CDH1: variants seen among roughly 807,000 people sequenced by gnomAD.
CDH1 encodes cadherin 1, also known as cadherin-1.
In CDH1, 35 loss-of-function variants were observed where a neutral mutation model predicts 84.5. That is an observed-to-expected ratio of 0.41 (90% CI 0.32 to 0.55). CDH1 has a LOEUF of 0.55. Ranked by LOEUF, CDH1 falls within the 20% of genes least tolerant of loss-of-function variation. The pLI is 0.19. For synonymous variants in CDH1, 417 were observed against 439.0 expected, an observed-to-expected ratio of 0.95 and a Z score of 0.63; for missense variants, 994 against 1,126.6, an observed-to-expected ratio of 0.88 and a Z score of 1.68.
chr16:68,828,001 G>A lies in CDH1; in HGVS notation c.2165-173G>A, dbSNP rs9925161. On this transcript the variant is annotated intron_variant, in intron 13 of 15. Transcript: ENST00000261769. ...TCTACTATGTTGTACTGTACATACC[G>A]ACTTCAGGGATGTGAGTGTCACGTG... 0.056 allele frequency among the ~76,000 whole-genome samples: 8,540 copies of A among 152,252 alleles called. 306 individuals are homozygous for A. Among genetic ancestry groups the A allele is most frequent in the African/African-American group, 0.094 (3,920 of 41,528 alleles).
At chr16:68,763,270 A>T (rs1959279067) in intron 2 of CDH1, 1 of 152,190 alleles carries the variant, frequency 6.6e-6, no homozygotes, top group Non-Finnish European at 1.5e-5. Context: ...TTCACATTAT[A>T]GTTGGAGACA....
At chr16:68,776,584 G>A (rs1292610696) in intron 2 of CDH1, among the ~76,000 whole-genome samples, 3 of 152,150 alleles carry the variant, frequency 2.0e-5, no homozygotes, top group African/African-American at 7.2e-5. Context: ...GCCCAGGCTA[G>A]TCTCGAGTTC....
intron 13 of CDH1, among the ~76,000 whole-genome samples, chr16:68,825,638 G>A (rs1026267784): frequency 3.9e-5 from 6 of 152,004 alleles, no homozygotes; most frequent in African/African-American, 1.2e-4. Context: ...ATCCTGCCAG[G>A]CTTTACATGG....
chr16:68,746,822 G>T (rs144506739), intron 2 of CDH1, among the ~76,000 whole-genome samples: 1 of 152,052 alleles, frequency 6.6e-6, no homozygotes, highest in African/African-American at 2.4e-5. Context: ...GGTGGTGCAT[G>T]CCTGTAATCC....
intron 2 of CDH1, among the ~76,000 whole-genome samples, chr16:68,796,939 ACCAGCCTGGG>A (rs1960378394): frequency 3.3e-5 from 5 of 152,234 alleles, no homozygotes; most frequent in African/African-American, 1.2e-4. Flanking sequence ...GGAGTTCAAG[ACCAGCCTGGG>A]CAACGTGGCA....
chr16:68,745,557 T>TATATATGTATATAC (rs1962708099), intron 2 of CDH1, among the ~76,000 whole-genome samples: 3 of 27,330 alleles, frequency 1.1e-4, no homozygotes, highest in Non-Finnish European at 3.2e-4. Context: ...AAAATATATA[T>TATATATGTATATAC]ATATATGTAT....
At chr16:68,803,247 C>T (rs1043151799) in intron 3 of CDH1, among the ~76,000 whole-genome samples, 4 of 152,100 alleles carry the variant, frequency 2.6e-5, no homozygotes, top group South Asian at 2.1e-4. Flanking sequence ...TGTAATTAGA[C>T]CAGAAAAATG....
intron 3 of CDH1, among the ~76,000 whole-genome samples, chr16:68,804,738 A>G (rs1027263548): frequency 2.0e-5 from 3 of 151,930 alleles, no homozygotes; most frequent in Admixed American, 2.0e-4. Context: ...GTGGTACTGT[A>G]ATTAGATGGC....
intron 2 of CDH1, among the ~76,000 whole-genome samples, chr16:68,778,709 G>A (rs539417254): frequency 1.3e-5 from 2 of 152,274 alleles, no homozygotes; most frequent in East Asian, 3.9e-4. Flanking sequence ...GCTTAAAAGG[G>A]TGTTTAAAAG....
intron 2 of CDH1, among the ~76,000 whole-genome samples, chr16:68,770,716 A>G (rs1002077114): frequency 6.6e-6 from 1 of 151,096 alleles, no homozygotes; most frequent in Non-Finnish European, 1.5e-5. Context: ...AGCAGTAGGA[A>G]GAGAATTCCA....
chr16:68,812,001 G>T, intron 7 of CDH1, 134 bp from the exon 8 acceptor site: 1 of 1,479,426 alleles, frequency 6.8e-7, no homozygotes, highest in South Asian at 1.1e-5. Context: ...GTGCCCAGAG[G>T]TTCCGTGCCT....
intron 2 of CDH1, among the ~76,000 whole-genome samples, chr16:68,785,255 G>A (rs1205288741): frequency 6.6e-6 from 1 of 151,998 alleles, no homozygotes. Flanking sequence ...ACAGTGGCGC[G>A]ATCTCGGCTC....
rs756957847 is a variant in CDH1, at chr16:68,801,654, G to A, written c.164-16G>A. ...ATCTGTCCAATTTCCTAATCTCTGTGATTTCTGCCCTGCAGTGAATTTTGA... is the reference window on the plus strand; with the variant it reads ...ATCTGTCCAATTTCCTAATCTCTGTAATTTCTGCCCTGCAGTGAATTTTGA... On this transcript the variant is annotated splice_polypyrimidine_tract_variant and intron_variant, in intron 2 of 15. Transcript: ENST00000261769. The A allele has an allele frequency of 4.4e-6, 7 of 1,602,222 alleles. No homozygotes were observed. Among genetic ancestry groups the A allele is most frequent in the Non-Finnish European group, 4.3e-6 (5 of 1,169,300 alleles).
At chr16:68,801,921 G>A (rs780256806) in intron 3 of CDH1, 28 bp downstream of exon 3, 14 of 1,579,566 alleles carry the variant, frequency 8.9e-6, no homozygotes, top group South Asian at 5.5e-5. Context: ...TGAGAAGTTC[G>A]CTGTTGTTTT....
intron 2 of CDH1, among the ~76,000 whole-genome samples, chr16:68,781,050 C>T (rs1959864043): frequency 6.6e-6 from 1 of 152,190 alleles, no homozygotes; most frequent in South Asian, 2.1e-4. Flanking sequence ...TGAATTGAGT[C>T]TGTGGGGAAA....
chr16:68,738,501 TG>T, intron 2 of CDH1, 90 bp downstream of exon 2: 1 of 826,908 alleles, frequency 1.2e-6, no homozygotes. Flanking sequence ...TGGGTTGCAA[TG>T]GGCAAGCTCC....
At chr16:68,799,883 C>T (rs1210959759) in intron 2 of CDH1, among the ~76,000 whole-genome samples, 1 of 151,950 alleles carries the variant, frequency 6.6e-6, no homozygotes, top group African/African-American at 2.4e-5. Context: ...TGTGATGGCA[C>T]ATGCCTGTAA....
At chr16:68,773,298 T>G (rs958488976) in intron 2 of CDH1, among the ~76,000 whole-genome samples, 4 of 151,128 alleles carry the variant, frequency 2.6e-5, no homozygotes, top group Admixed American at 2.0e-4. Context: ...ATTTTCCTTT[T>G]TTTTTTTTTT....
At chr16:68,775,330 C>T (rs892040756) in intron 2 of CDH1, among the ~76,000 whole-genome samples, 5 of 152,098 alleles carry the variant, frequency 3.3e-5, no homozygotes, top group African/African-American at 7.2e-5. Flanking sequence ...ACTAAGAAAA[C>T]GTATAATGTC....
Sources: allele counts gnomAD v4.1 joint callset (sites outside exome capture counted in the v4.1 genomes callset), GRCh38; gene constraint gnomAD v4.1.1; transcripts MANE v1.5; gene names NCBI Gene and HGNC (gene_info 2026-07-23, HGNC 2026-07-21).